Variants in NELL2 observed in about 807,000 individuals in gnomAD.
NELL2 encodes the protein neural EGFL like 2, also known as protein kinase C-binding protein NELL2.
NELL2 carries 41 observed loss-of-function variants against 109.6 expected under a neutral mutation model. The ratio of observed to expected loss-of-function variants is 0.37; its 90% CI spans 0.29 to 0.49. NELL2 has a LOEUF of 0.49. Among genes scored for constraint, NELL2 ranks in the 20% least tolerant of loss-of-function variants. The pLI, the probability that NELL2 is intolerant of heterozygous loss-of-function variation, is 0.98. For synonymous variants in NELL2, 355 were observed against 344.7 expected, an observed-to-expected ratio of 1.03 and a Z score of -0.33; for missense variants, 900 against 1,008.3, an observed-to-expected ratio of 0.89 and a Z score of 1.45.
chr12:44,518,221 G>A (rs957846331), intron 19 of NELL2, among the ~76,000 whole-genome samples: 1 of 151,464 alleles, frequency 6.6e-6, no homozygotes, highest in Non-Finnish European at 1.5e-5. Context: ...TTATAAGGTA[G>A]TGAATGACAA....
intron 13 of NELL2, among the ~76,000 whole-genome samples, chr12:44,615,352 T>C (rs1387106547): frequency 6.6e-6 from 1 of 152,146 alleles, no homozygotes. Flanking sequence ...TACTGAATAA[T>C]TTATAATAAT....
chr12:44,765,135 T>G (rs572148402), intron 9 of NELL2, among the ~76,000 whole-genome samples: 4 of 152,188 alleles, frequency 2.6e-5, no homozygotes, highest in Non-Finnish European at 4.4e-5. Context: ...TGAAAAAAAT[T>G]CAGGTCTCAG....
At chr12:44,650,788 C>A (rs1236185322) in intron 13 of NELL2, among the ~76,000 whole-genome samples, 1 of 150,658 alleles carries the variant, frequency 6.6e-6, no homozygotes, top group Admixed American at 6.6e-5. Context: ...TCTTTCTTTG[C>A]CTGCTCCTAA....
chr12:44,735,099 TG>T (rs1030365373), intron 9 of NELL2, among the ~76,000 whole-genome samples: 1 of 152,136 alleles, frequency 6.6e-6, no homozygotes, highest in African/African-American at 2.4e-5. Flanking sequence ...TTTTTCTGAA[TG>T]TTCACTTTAC....
upstream of NELL2, chr12:44,914,056 C>T: frequency 4.1e-6 from 1 of 242,532 alleles, no homozygotes; most frequent in Non-Finnish European, 8.3e-6. Flanking sequence ...CCCACAACTG[C>T]CATGGTCTAA....
intron 11 of NELL2, among the ~76,000 whole-genome samples, chr12:44,710,450 C>G (rs1003029580): frequency 2.6e-5 from 4 of 152,026 alleles, no homozygotes; most frequent in African/African-American, 9.7e-5. Context: ...CAGCCCTGCC[C>G]ACAAGGTGCA....
intron 15 of NELL2, among the ~76,000 whole-genome samples, chr12:44,573,775 G>T (rs1445007240): frequency 6.6e-6 from 1 of 152,178 alleles, no homozygotes; most frequent in Non-Finnish European, 1.5e-5. Flanking sequence ...CTGAAATAGA[G>T]ACCTTAATAA....
rs754254750 is a variant in NELL2 at position 44,610,876 on chromosome 12, G to C, written c.1539C>G (p.Gly513=). ...VGGHNCVCKP[G]YTGNGTTCKA... Reference sequence around the variant, plus strand: ...TGCATGTCGTTCCATTCCCTGTATAGCCCGGCTTGCAAACACAGTTGTGTC... The same window carrying C: ...TGCATGTCGTTCCATTCCCTGTATACCCCGGCTTGCAAACACAGTTGTGTC... Residue 513 remains glycine (G), a synonymous_variant, in exon 14 of 20, where the codon GGC becomes GGG. Coordinates refer to ENST00000429094, the MANE Select transcript of NELL2 (RefSeq NM_001145108.2). 6.2e-7 allele frequency: 1 copy of C among 1,613,170 alleles called. No homozygotes were observed. The highest frequency in any genetic ancestry group is 1.1e-5 in the South Asian group (1 of 91,056).
chr12:44,779,699 C>A lies in NELL2; in HGVS notation c.570G>T (p.Trp190Cys). 6.2e-7 allele frequency: 1 copy of A among 1,613,938 alleles called. No homozygotes were observed. The highest frequency in any genetic ancestry group is 8.5e-7 in the Non-Finnish European group (1 of 1,179,864). Residue 190 changes from tryptophan to cysteine, a missense_variant, in exon 5 of 20, where the codon TGG (tryptophan) becomes TGT (cysteine). Coordinates refer to ENST00000429094, the MANE Select transcript of NELL2 (RefSeq NM_001145108.2). Reference protein sequence around the residue: ...STDLPLGTTFWLGQRNNAHGY... With the variant: ...STDLPLGTTFCLGQRNNAHGY... ...CATGCGCATTATTTCTCTGTCCTAG[C>A]CAAAATGTTGTGCCTAGAGGCAAGT... is the stretch of plus-strand genomic sequence containing the variant.
chr12:44,645,452 A>T (rs891212183), intron 13 of NELL2, among the ~76,000 whole-genome samples: 1 of 152,188 alleles, frequency 6.6e-6, no homozygotes, highest in Non-Finnish European at 1.5e-5. Context: ...AAAACAAAGG[A>T]CATGAATATA....
intron 2 of NELL2, among the ~76,000 whole-genome samples, chr12:44,819,087 A>C (rs2136692671): frequency 6.6e-6 from 1 of 152,266 alleles, no homozygotes; most frequent in East Asian, 1.9e-4. Context: ...ATGAAATGAC[A>C]AGTAAAGATT....
intron 13 of NELL2, among the ~76,000 whole-genome samples, chr12:44,646,839 A>G (rs1489585111): frequency 1.3e-5 from 2 of 152,178 alleles, no homozygotes; most frequent in Non-Finnish European, 1.5e-5. Context: ...AGATACTTTA[A>G]TTTTGCTTCC....
chr12:44,746,047 A>C (rs1692976187), intron 9 of NELL2, among the ~76,000 whole-genome samples: 1 of 152,160 alleles, frequency 6.6e-6, no homozygotes, highest in Non-Finnish European at 1.5e-5. Flanking sequence ...ACTTCAAACT[A>C]TACTACAAGG....
chr12:44,791,829 A>T (rs1203349950), intron 3 of NELL2, among the ~76,000 whole-genome samples: 1 of 152,148 alleles, frequency 6.6e-6, no homozygotes, highest in Non-Finnish European at 1.5e-5. Context: ...ACATATAGAA[A>T]GGACAGCTAG....
intron 9 of NELL2, among the ~76,000 whole-genome samples, chr12:44,726,857 T>C (rs984432686): frequency 6.6e-6 from 1 of 152,146 alleles, no homozygotes. Context: ...TTTATAGCAG[T>C]TAAGTAATAT....
chr12:44,592,622 T>C (rs1424104208), intron 15 of NELL2, among the ~76,000 whole-genome samples: 1 of 152,048 alleles, frequency 6.6e-6, no homozygotes, highest in African/African-American at 2.4e-5. Context: ...AGGTGAGAAA[T>C]ACCTACCTGG....
chr12:44,612,053 A>G (rs887987531), intron 13 of NELL2, among the ~76,000 whole-genome samples: 1 of 152,032 alleles, frequency 6.6e-6, no homozygotes, highest in Non-Finnish European at 1.5e-5. Context: ...AATATAAATC[A>G]TGAAAGCAAT....
intron 12 of NELL2, 147 bp from the exon 13 acceptor site, chr12:44,665,756 T>C (rs1947904719): frequency 1.1e-6 from 1 of 921,544 alleles, no homozygotes; most frequent in Non-Finnish European, 1.5e-6. Flanking sequence ...CTAGGAGTGT[T>C]TAATGTTCAA....
chr12:44,809,305 T>C (rs1048068935), intron 3 of NELL2, among the ~76,000 whole-genome samples: 6 of 152,118 alleles, frequency 3.9e-5, no homozygotes, highest in African/African-American at 1.4e-4. Context: ...ATATTTTTCA[T>C]ATTTCTCTTC....
Sources: gnomAD v4.1 joint callset for allele counts (sites outside exome capture counted in the v4.1 genomes callset) on GRCh38, gnomAD v4.1.1 for gene constraint, MANE v1.5 for transcripts, NCBI Gene and HGNC (gene_info 2026-07-23, HGNC 2026-07-21) for gene names.